The following TOX variants were observed in gnomAD, a reference collection of about 807,000 sequenced individuals.
The protein encoded by TOX is thymocyte selection-associated high mobility group box protein TOX.
TOX carries 11 observed loss-of-function variants against 53.7 expected under a neutral mutation model. The observed-to-expected ratio is 0.20, with a 90% CI of 0.13 to 0.34. The LOEUF (loss-of-function observed/expected upper bound fraction) is 0.34. Ranked by LOEUF, TOX falls within the 10% of genes least tolerant of loss-of-function variation. The pLI is 1.00. For missense variants in TOX, 570 were observed against 664.6 expected, an observed-to-expected ratio of 0.86 and a Z score of 1.56; for synonymous variants, 225 against 245.3, an observed-to-expected ratio of 0.92 and a Z score of 0.77.
chr8:58,851,665 C>T lies in TOX; in HGVS notation c.552G>A (p.Gln184=). The change falls in exon 4 of 9, where the codon CAG becomes CAA. Residue 184 remains glutamine, a synonymous_variant. Transcript: ENST00000361421. The surrounding 1 kb of genome is among the most constrained non-coding windows in gnomAD (Gnocchi z 4.4). ...AACCAAGTTGAGCACTTAGCTGTGA[C>T]TGGTTAATGGTAGTCAGCTGGCCAT... is the stretch of plus-strand genomic sequence containing the variant. ...MPHGQLTTIN[Q]SQLSAQLGLN... 6.2e-7 allele frequency: 1 copy of T among 1,613,720 alleles called. No individual in the cohort carries two copies. The highest frequency in any genetic ancestry group is 8.5e-7 in the Non-Finnish European group (1 of 1,179,852).
chr8:58,928,005 A>G (rs1488601753), intron 3 of TOX, among the ~76,000 whole-genome samples: 1 of 152,176 alleles, frequency 6.6e-6, no homozygotes, highest in Non-Finnish European at 1.5e-5. Flanking sequence ...GGTGACTCCA[A>G]CACTCCCCGG....
At position 58,851,484 on chromosome 8, in the gene TOX, G is replaced by C. The variant is rs751911388; in HGVS notation, c.693+40C>G. On this transcript the variant is annotated intron_variant, in intron 4 of 8. Transcript: ENST00000361421. This position sits in a 1 kb window ranked among gnomAD's most constrained non-coding sequence, Gnocchi z 4.4. ...AGCACAGGTCAAAGAAGGTGCCTAA[G>C]AATAGTCTCCCATAGGTCCTAAAAA... The C allele has an allele frequency of 8.7e-6, 14 of 1,603,766 alleles. No individual in the cohort carries two copies. Among genetic ancestry groups the C allele is most frequent in the Non-Finnish European group, 1.1e-5 (13 of 1,174,444 alleles).
In TOX at chr8:59,092,319, A is replaced by ATATATATATTATATATTATATATACAT. The variant is rs1563443803; in HGVS notation, c.102+26540_102+26566dup. Among the ~76,000 whole-genome samples, 4 of 87,814 alleles carry ATATATATATTATATATTATATATACAT rather than the reference A, an allele frequency of 4.6e-5. 1 individual carries two copies. The highest frequency in any genetic ancestry group is 3.5e-4 in the African/African-American group (2 of 5,726). The allele number at this position is 87,814 out of a possible 152,430, so 57.6% of individuals were successfully genotyped here. ...TATATATATTATATATTATATATAC[A>ATATATATATTATATATTATATATACAT]TATATATATTATATATTATATATAC... On this transcript the variant is annotated intron_variant, in intron 1 of 8. Transcript: ENST00000361421.
chr8:59,016,160 C>T (rs138083043), intron 1 of TOX, among the ~76,000 whole-genome samples: 290 of 152,184 alleles, frequency 1.9e-3, no homozygotes, highest in African/African-American at 6.4e-3. Flanking sequence ...TAAATGCCTA[C>T]TGTGTGCAAG....
intron 1 of TOX, among the ~76,000 whole-genome samples, chr8:59,068,844 C>A (rs79100246): frequency 6.6e-6 from 1 of 152,072 alleles, no homozygotes; most frequent in Admixed American, 6.6e-5. Context: ...AGGGTGGCCA[C>A]GGGCCCAGAG....
chr8:59,013,711 C>A (rs750487760), intron 1 of TOX, among the ~76,000 whole-genome samples: 3 of 152,140 alleles, frequency 2.0e-5, no homozygotes, highest in Non-Finnish European at 4.4e-5. Context: ...ACCTGGCCAT[C>A]AAATAGGTTT....
intron 3 of TOX, among the ~76,000 whole-genome samples, chr8:58,907,980 G>T (rs982429865): frequency 3.9e-5 from 6 of 152,168 alleles, no homozygotes; most frequent in African/African-American, 1.4e-4. Flanking sequence ...GGATGTGCAG[G>T]TTTGTTACAT....
chr8:59,104,943 A>G (rs1188958257), intron 1 of TOX, among the ~76,000 whole-genome samples: 3 of 152,134 alleles, frequency 2.0e-5, no homozygotes, highest in African/African-American at 7.2e-5. Context: ...TTCCTCTCTT[A>G]TTAGCCATAT....
At chr8:58,911,676 C>T (rs1378713793) in intron 3 of TOX, among the ~76,000 whole-genome samples, 1 of 152,104 alleles carries the variant, frequency 6.6e-6, no homozygotes, top group Non-Finnish European at 1.5e-5. Flanking sequence ...CAGAAAAAAA[C>T]ACATAAGACT....
chr8:58,826,746 T>C lies in TOX; in HGVS notation c.1005+76A>G. The C allele has an allele frequency of 7.2e-6, 9 of 1,257,630 alleles. No homozygotes were observed. In the South Asian group the frequency reaches 1.4e-4, roughly 19 times the overall value. 77.9% of individuals were successfully genotyped at this position (1,257,630 alleles called of 1,614,324 possible). A position where few individuals can be genotyped will look rare whatever the true frequency, so the allele number is the denominator to read the frequency against. On this transcript the variant is annotated intron_variant, in intron 6 of 8. Transcript: ENST00000361421. ...GTGCAGAATCGTTAAAGTGATCTTTTATGCCTTTAAGTGACTATCAAAGTC... is the reference window on the plus strand; with the variant it reads ...GTGCAGAATCGTTAAAGTGATCTTTCATGCCTTTAAGTGACTATCAAAGTC...
At chr8:58,821,199 G>A (rs1810269409) in intron 6 of TOX, among the ~76,000 whole-genome samples, 2 of 151,844 alleles carry the variant, frequency 1.3e-5, no homozygotes, top group African/African-American at 4.8e-5. Context: ...CCTTTTTAAT[G>A]TCACTTTTAA....
chr8:58,889,096 A>T (rs191784569), intron 3 of TOX, among the ~76,000 whole-genome samples: 13 of 152,048 alleles, frequency 8.5e-5, no homozygotes, highest in Admixed American at 4.6e-4. Flanking sequence ...ACAATTTGGC[A>T]TATCTATTAA....
In TOX at chr8:58,807,502, T is replaced by C. The variant is rs1486275994; in HGVS notation, c.*245A>G. ...AGCACTTCACAGCAAAAAACCAACA[T>C]AAAATCTGAATGGTCCAAATTTCCT... On this transcript the variant is annotated 3_prime_UTR_variant, in exon 9 of 9. Transcript: ENST00000361421. The C allele has an allele frequency of 2.2e-6, 1 of 444,752 alleles. No homozygotes were observed. Among genetic ancestry groups the C allele is most frequent in the African/African-American group, 2.0e-5 (1 of 51,090 alleles). 27.6% of individuals were successfully genotyped at this position (444,752 alleles called of 1,614,324 possible).
At chr8:59,060,492 T>G (rs1258307198) in intron 1 of TOX, among the ~76,000 whole-genome samples, 1 of 152,200 alleles carries the variant, frequency 6.6e-6, no homozygotes. Context: ...CCGGGCGTGC[T>G]GGCACGTGCC....
intron 3 of TOX, among the ~76,000 whole-genome samples, chr8:58,860,350 G>A (rs56055689): frequency 0.17 from 25,389 of 152,136 alleles, 2,591 homozygotes; most frequent in Non-Finnish European, 0.23. Flanking sequence ...GTTGGAATTC[G>A]TGCCCTGATG....
At chr8:59,112,745 A>G (rs1315513613) in intron 1 of TOX, among the ~76,000 whole-genome samples, 1 of 152,236 alleles carries the variant, frequency 6.6e-6, no homozygotes, top group Non-Finnish European at 1.5e-5. Context: ...TCTTGAGGGC[A>G]AGAACTACAG....
chr8:59,010,259 C>CAA (rs1211515309), intron 1 of TOX, among the ~76,000 whole-genome samples: 1 of 152,070 alleles, frequency 6.6e-6, no homozygotes, highest in African/African-American at 2.4e-5. Flanking sequence ...TTAAATGATA[C>CAA]AGTGTGAGTA....
chr8:59,092,328 T>TACATTA (rs1252603716), intron 1 of TOX, among the ~76,000 whole-genome samples: 1 of 113,396 alleles, frequency 8.8e-6, no homozygotes, highest in African/African-American at 4.9e-5. Context: ...CATATATATA[T>TACATTA]TATATATTAT....
chr8:59,002,969 T>C (rs536035795), intron 1 of TOX, among the ~76,000 whole-genome samples: 19 of 152,318 alleles, frequency 1.2e-4, no homozygotes, highest in Non-Finnish European at 2.5e-4. Context: ...TTTCTTTACA[T>C]TGAAGCCTGT....
Sources: allele counts gnomAD v4.1 joint callset (sites outside exome capture counted in the v4.1 genomes callset), GRCh38; gene constraint gnomAD v4.1.1; non-coding constraint Gnocchi (gnomAD v3.1); transcripts MANE v1.5; gene names NCBI Gene and HGNC (gene_info 2026-07-23, HGNC 2026-07-21).